Variants in GAB2 observed in about 807,000 individuals in gnomAD.
The protein encoded by GAB2 is GRB2-associated-binding protein 2.
In GAB2, 26 loss-of-function variants were observed where a neutral mutation model predicts 65.5. That is an observed-to-expected ratio of 0.40 (90% CI 0.29 to 0.55). The LOEUF is 0.55. GAB2 is among the 20% of genes least tolerant of loss of function. The pLI, the probability that GAB2 is intolerant of heterozygous loss-of-function variation, is 0.53. For synonymous variants in GAB2, 321 were observed against 329.6 expected, an observed-to-expected ratio of 0.97 and a Z score of 0.28; for missense variants, 884 against 875.8, an observed-to-expected ratio of 1.01 and a Z score of -0.12.
intron 3 of GAB2, among the ~76,000 whole-genome samples, chr11:78,237,382 A>G (rs1336376491): frequency 6.6e-6 from 1 of 152,252 alleles, no homozygotes; most frequent in East Asian, 1.9e-4. Context: ...TGACACATGG[A>G]AAAACATGGA....
intron 2 of GAB2, among the ~76,000 whole-genome samples, chr11:78,278,488 C>A (rs1866239407): frequency 6.6e-6 from 1 of 150,736 alleles, no homozygotes; most frequent in Non-Finnish European, 1.5e-5. Context: ...TCAAGCAATT[C>A]TCTCACTTCT....
At chr11:78,343,129 T>A (rs1482315728) in intron 1 of GAB2, among the ~76,000 whole-genome samples, 1 of 152,134 alleles carries the variant, frequency 6.6e-6, no homozygotes, top group African/African-American at 2.4e-5. Context: ...CTTGTCAATA[T>A]CTATATCAAG....
chr11:78,274,757 C>A (rs1489915438), intron 2 of GAB2, among the ~76,000 whole-genome samples: 1 of 152,164 alleles, frequency 6.6e-6, no homozygotes, highest in East Asian at 1.9e-4. Flanking sequence ...CAGAGAGAAC[C>A]TCAGCCTGCC....
intron 1 of GAB2, among the ~76,000 whole-genome samples, chr11:78,287,206 AG>A (rs947123215): frequency 1.3e-5 from 2 of 152,242 alleles, no homozygotes; most frequent in Non-Finnish European, 2.9e-5. Context: ...TCAGAAAAAC[AG>A]GAACAGAGGG....
chr11:78,266,121 G>A (rs1865866657), intron 2 of GAB2, among the ~76,000 whole-genome samples: 1 of 145,256 alleles, frequency 6.9e-6, no homozygotes, highest in African/African-American at 2.5e-5. Flanking sequence ...AGGCTGAGGT[G>A]AGAGGATCAC....
At chr11:78,342,653 C>T (rs938710210) in intron 1 of GAB2, among the ~76,000 whole-genome samples, 7 of 152,156 alleles carry the variant, frequency 4.6e-5, no homozygotes, top group African/African-American at 7.2e-5. Context: ...CGTGATCCGC[C>T]GGCCTCGGCC....
In GAB2 at chr11:78,250,361, C is replaced by CG. The variant is rs764644269; in HGVS notation, c.415dup (p.Arg139ProfsTer6). 1 of 1,612,784 alleles carries CG rather than the reference C, an allele frequency of 6.2e-7. No homozygotes were observed. Among genetic ancestry groups the CG allele is most frequent in the Admixed American group, 1.7e-5 (1 of 59,874 alleles). ...GCTGCTGAGCTCAGCTGGAGAAGAG[C>CG]GGGGGCCATGACCGGCTGAGGAAAC... On this transcript the variant is annotated frameshift_variant, in exon 3 of 10. Coordinates refer to ENST00000361507, the MANE Select transcript of GAB2 (RefSeq NM_080491.3). LOFTEE classifies it high-confidence loss of function.
Position 78,219,285 on chromosome 11 carries a change from C to A in GAB2, c.2018G>T (p.Gly673Val). 6.2e-7 allele frequency: 1 copy of A among 1,613,492 alleles called. No individual in the cohort carries two copies. Among genetic ancestry groups the A allele is most frequent in the Non-Finnish European group, 8.5e-7 (1 of 1,179,948 alleles). Residue 673 changes from glycine to valine, a missense_variant, in exon 10 of 10, where the codon GGT (glycine) becomes GTT (valine). By Grantham distance (109) the Gly-to-Val change is moderately radical (BLOSUM62 -3). Transcript: ENST00000361507. ...DVRQSSEPSK[G>V]AKL ...GTGGCCCTCTCATCACAGCTTGGCACCCTTGGAAGGCTCTGAGGACTGCCG... is the reference window on the plus strand; with the variant it reads ...GTGGCCCTCTCATCACAGCTTGGCAACCTTGGAAGGCTCTGAGGACTGCCG...
chr11:78,271,910 G>C (rs1275580498), intron 2 of GAB2, among the ~76,000 whole-genome samples: 1 of 152,192 alleles, frequency 6.6e-6, no homozygotes, highest in South Asian at 2.1e-4. Flanking sequence ...GGTCTTTCCT[G>C]TGCTTTTCTT....
intron 1 of GAB2, among the ~76,000 whole-genome samples, chr11:78,284,866 T>C (rs1171745822): frequency 2.0e-5 from 3 of 152,178 alleles, no homozygotes; most frequent in South Asian, 2.1e-4. Flanking sequence ...GCCTGGCACA[T>C]AGCTAGTAAT....
chr11:78,285,283 T>A (rs776421178), intron 1 of GAB2, among the ~76,000 whole-genome samples: 9 of 152,222 alleles, frequency 5.9e-5, no homozygotes, highest in Non-Finnish European at 1.3e-4. Context: ...GACACCCTCA[T>A]GAACAAGAAA....
At chr11:78,334,116 C>T (rs562531335) in intron 1 of GAB2, among the ~76,000 whole-genome samples, 2 of 151,990 alleles carry the variant, frequency 1.3e-5, no homozygotes, top group Non-Finnish European at 2.9e-5. Context: ...AATTTTGTAA[C>T]TTTTTTAATT....
chr11:78,287,381 G>GA (rs1355551235), intron 1 of GAB2, among the ~76,000 whole-genome samples: 1 of 151,994 alleles, frequency 6.6e-6, no homozygotes, highest in East Asian at 1.9e-4. Flanking sequence ...TGGCTCAAGT[G>GA]AATCTCCCAC....
At chr11:78,275,027 CACAGA>C (rs1313238170) in intron 2 of GAB2, among the ~76,000 whole-genome samples, 1 of 152,206 alleles carries the variant, frequency 6.6e-6, no homozygotes, top group Admixed American at 6.5e-5. Flanking sequence ...TCTCAACTTT[CACAGA>C]ACAGATGCTC....
intron 1 of GAB2, among the ~76,000 whole-genome samples, chr11:78,300,679 T>C (rs1352092214): frequency 3.5e-5 from 5 of 142,650 alleles, no homozygotes; most frequent in Non-Finnish European, 6.0e-5. Flanking sequence ...GTGGTTTTTT[T>C]TTTTGGTTTT....
intron 1 of GAB2, among the ~76,000 whole-genome samples, chr11:78,380,212 A>G (rs1253581642): frequency 2.6e-5 from 1 of 37,986 alleles, no homozygotes; most frequent in Non-Finnish European, 4.5e-5. Flanking sequence ...TTGAATGAGA[A>G]CTTTTTTTTT....
chr11:78,359,755 G>A (rs1446429667), intron 1 of GAB2, among the ~76,000 whole-genome samples: 2 of 152,210 alleles, frequency 1.3e-5, no homozygotes, highest in African/African-American at 4.8e-5. Context: ...GTTAGGAGGA[G>A]TGATTCAAGT....
chr11:78,396,964 A>G (rs530346236), intron 1 of GAB2, among the ~76,000 whole-genome samples: 2 of 152,350 alleles, frequency 1.3e-5, no homozygotes, highest in African/African-American at 4.8e-5. Context: ...TTCATTTTGT[A>G]AAATATACAT....
At chr11:78,268,104 G>A (rs962685797) in intron 2 of GAB2, among the ~76,000 whole-genome samples, 1 of 152,158 alleles carries the variant, frequency 6.6e-6, no homozygotes, top group Non-Finnish European at 1.5e-5. Context: ...GGGCAGTTGA[G>A]TGCAGCTTGT....
Sources: gnomAD v4.1 joint callset for allele counts (sites outside exome capture counted in the v4.1 genomes callset) on GRCh38, gnomAD v4.1.1 for gene constraint, MANE v1.5 for transcripts, NCBI Gene and HGNC (gene_info 2026-07-23, HGNC 2026-07-21) for gene names.